CNTFR: variants seen among roughly 807,000 people sequenced by gnomAD.
CNTFR encodes the protein ciliary neurotrophic factor receptor.
In CNTFR, 12 loss-of-function variants were observed where a neutral mutation model predicts 40.4. That is an observed-to-expected ratio of 0.30 (90% CI 0.19 to 0.48). The LOEUF (loss-of-function observed/expected upper bound fraction) is 0.48. CNTFR is among the 20% of genes least tolerant of loss of function. The pLI, the probability that CNTFR is intolerant of heterozygous loss-of-function variation, is 0.99. For synonymous variants in CNTFR, 202 were observed against 209.6 expected, an observed-to-expected ratio of 0.96 and a Z score of 0.31; for missense variants, 414 against 506.8, an observed-to-expected ratio of 0.82 and a Z score of 1.76.
At chr9:34,556,494 T>G in intron 6 of CNTFR, 76 bp from the exon 7 acceptor site, 1 of 1,444,540 alleles carries the variant, frequency 6.9e-7, no homozygotes, top group Non-Finnish European at 9.4e-7. Context: ...GCCACCATGT[T>G]GACCCTCTCA....
intron 2 of CNTFR, among the ~76,000 whole-genome samples, chr9:34,575,907 G>GAGCC (rs1015162899): frequency 4.6e-5 from 7 of 152,162 alleles, no homozygotes; most frequent in Middle Eastern, 3.4e-3. Context: ...GGGCAAGACC[G>GAGCC]AGCCATCCTT....
intron 4 of CNTFR, among the ~76,000 whole-genome samples, chr9:34,564,360 A>G (rs966345456): frequency 6.6e-6 from 1 of 152,156 alleles, no homozygotes; most frequent in Admixed American, 6.5e-5. Flanking sequence ...GGGTTTTAGG[A>G]TACCCAAGAC....
At chr9:34,574,867 G>A (rs950768145) in intron 2 of CNTFR, among the ~76,000 whole-genome samples, 6 of 152,246 alleles carry the variant, frequency 3.9e-5, no homozygotes, top group African/African-American at 1.4e-4. Context: ...TGTTGGGGGA[G>A]CCTGGGGCCC....
chr9:34,576,915 G>A (rs1826996717), intron 2 of CNTFR, among the ~76,000 whole-genome samples: 1 of 152,218 alleles, frequency 6.6e-6, no homozygotes, highest in Non-Finnish European at 1.5e-5. Flanking sequence ...GCACCCAGAT[G>A]TCTGGCCTGG....
At chr9:34,571,909 A>G (rs1826680550) in intron 2 of CNTFR, among the ~76,000 whole-genome samples, 1 of 152,078 alleles carries the variant, frequency 6.6e-6, no homozygotes, top group Non-Finnish European at 1.5e-5. Context: ...GATGGGGCAT[A>G]TAGGAGATGG....
intron 1 of CNTFR, among the ~76,000 whole-genome samples, chr9:34,588,904 G>C (rs1367021302): frequency 6.6e-6 from 1 of 152,132 alleles, no homozygotes; most frequent in East Asian, 1.9e-4. Flanking sequence ...CACACGAGCA[G>C]ACTCACAAAG....
At chr9:34,577,091 G>A (rs1384949421) in intron 2 of CNTFR, among the ~76,000 whole-genome samples, 1 of 152,230 alleles carries the variant, frequency 6.6e-6, no homozygotes, top group Non-Finnish European at 1.5e-5. Context: ...TAACCACTGA[G>A]GAGGAGAGTC....
chr9:34,578,091 T>A (rs1348553666), intron 2 of CNTFR, among the ~76,000 whole-genome samples: 2 of 149,948 alleles, frequency 1.3e-5, no homozygotes, highest in African/African-American at 4.9e-5. Flanking sequence ...GCATCGGGTC[T>A]GCGGGGCTGG....
intron 2 of CNTFR, chr9:34,580,080 A>T (rs1038484403): frequency 6.6e-6 from 1 of 151,860 alleles, no homozygotes; most frequent in Non-Finnish European, 1.5e-5. Context: ...TTCCCCGACC[A>T]CTATCCTTCT....
chr9:34,590,479 T>TC (rs989296641), upstream of CNTFR, among the ~76,000 whole-genome samples: 5 of 151,690 alleles, frequency 3.3e-5, no homozygotes, highest in African/African-American at 1.2e-4. Flanking sequence ...CCGCAACGAC[T>TC]CCCCTCCCGG....
At chr9:34,572,458 C>T (rs1826710074) in intron 2 of CNTFR, among the ~76,000 whole-genome samples, 1 of 152,186 alleles carries the variant, frequency 6.6e-6, no homozygotes, top group Non-Finnish European at 1.5e-5. Flanking sequence ...GGATTCCTCT[C>T]AGCCCCTCAA....
At chr9:34,561,819 T>C (rs916701138) in intron 4 of CNTFR, among the ~76,000 whole-genome samples, 10 of 152,192 alleles carry the variant, frequency 6.6e-5, no homozygotes, top group African/African-American at 2.4e-4. Context: ...ACGATAATGA[T>C]TAATATCCCC....
intron 2 of CNTFR, among the ~76,000 whole-genome samples, chr9:34,574,092 G>A (rs1826825931): frequency 6.6e-6 from 1 of 152,074 alleles, no homozygotes; most frequent in Admixed American, 6.5e-5. Flanking sequence ...GACAGCGTGG[G>A]CGGTGGGGGC....
At chr9:34,556,478 A>T (rs1825840205) in intron 6 of CNTFR, 60 bp from the exon 7 acceptor site, 3 of 1,502,282 alleles carry the variant, frequency 2.0e-6, no homozygotes, top group African/African-American at 2.8e-5. Flanking sequence ...CACTTTGTCA[A>T]CTCCAGCCAC....
intron 4 of CNTFR, among the ~76,000 whole-genome samples, chr9:34,563,778 C>G (rs985054113): frequency 2.6e-5 from 4 of 152,240 alleles, no homozygotes; most frequent in Non-Finnish European, 4.4e-5. Flanking sequence ...TGCGCCTTCT[C>G]AGCTTCCCCA....
intron 2 of CNTFR, among the ~76,000 whole-genome samples, chr9:34,574,922 A>G (rs1436446857): frequency 6.6e-6 from 1 of 152,112 alleles, no homozygotes; most frequent in Non-Finnish European, 1.5e-5. Context: ...CATCCTGGGG[A>G]GAGAGGAATC....
At position 34,556,349 on chromosome 9, in the gene CNTFR, G is replaced by A. The variant is rs773599964; in HGVS notation, c.674C>T (p.Thr225Met). ...VPSNPRRLEV[T>M]WQTPSTWPDP... Reference sequence around the variant, plus strand: ...AGGCCAGGTCGAGGGGGTCTGCCACGTCACCTCCAGCCGGCGAGGGTTGCT... The same window carrying A: ...AGGCCAGGTCGAGGGGGTCTGCCACATCACCTCCAGCCGGCGAGGGTTGCT... The change falls in exon 7 of 10, where the codon ACG becomes ATG. Residue 225 changes from threonine to methionine, a missense_variant. Around this residue, in one of 3 missense-constraint regions of CNTFR, gnomAD observed 83 missense variants for 145.0 expected, o/e 0.57. Coordinates refer to ENST00000378980, the MANE Select transcript of CNTFR (RefSeq NM_147164.3). The A allele has an allele frequency of 4.3e-6, 7 of 1,613,808 alleles. No homozygotes were observed. Among genetic ancestry groups the A allele is most frequent in the East Asian group, 2.2e-5 (1 of 44,874 alleles).
At chr9:34,570,033 A>G (rs1826514539) in intron 2 of CNTFR, 1 of 152,258 alleles carries the variant, frequency 6.6e-6, no homozygotes, top group Admixed American at 6.5e-5. Context: ...TGCAAATGTA[A>G]CAAACCCCCT....
chr9:34,568,934 G>T lies in CNTFR; in HGVS notation c.48C>A (p.Ala16=). Residue 16 remains alanine (A), a synonymous_variant, in exon 3 of 10, where the codon GCC becomes GCA. Transcript: ENST00000378980. The part of the protein sequence containing the change: ...PWACCAVLAA[A]AAVVYAQRHS... ...GTCTCTGGGCGTAGACAACTGCGGC[G>T]GCGGCGGCAAGCACAGCACAGCAGG... 1 of 1,601,440 alleles carries T rather than the reference G, an allele frequency of 6.2e-7. No individual in the cohort carries two copies. The highest frequency in any genetic ancestry group is 8.5e-7 in the Non-Finnish European group (1 of 1,174,420).
Sources: gnomAD v4.1 joint callset for allele counts (sites outside exome capture counted in the v4.1 genomes callset) on GRCh38, gnomAD v4.1.1 for gene constraint, gnomAD v4.1.1 regional missense constraint, MANE v1.5 for transcripts, NCBI Gene and HGNC (gene_info 2026-07-23, HGNC 2026-07-21) for gene names.